The following RAB38 variants were observed in gnomAD, a reference collection of about 807,000 sequenced individuals.
RAB38 encodes ras-related protein Rab-38.
A neutral mutation model predicts 18.4 loss-of-function variants in RAB38; 15 were observed. The observed-to-expected ratio is 0.82, with a 90% CI of 0.55 to 1.26. The LOEUF is 1.26. Among genes scored for constraint, RAB38 ranks in the 50% most tolerant of loss-of-function variants. The pLI is 0.00. For synonymous variants in RAB38, 101 were observed against 104.4 expected (o/e 0.97, Z 0.20); for missense variants, 294 against 267.4 (o/e 1.10, Z -0.69).
At chr11:87,920,462 T>G in the RAB38 span, among the ~76,000 whole-genome samples, 1 of 152,204 alleles carries the variant, frequency 6.6e-6, no homozygotes, top group Non-Finnish European at 1.5e-5. Context: ...TTTTTCCTAT[T>G]ATTGAATTCT....
chr11:88,036,693 G>T, the RAB38 span, among the ~76,000 whole-genome samples: 1 of 151,816 alleles, frequency 6.6e-6, no homozygotes, highest in Non-Finnish European at 1.5e-5. Flanking sequence ...TCTCTTTTGT[G>T]TTGAACTTTG....
the RAB38 span, among the ~76,000 whole-genome samples, chr11:87,951,512 T>C: frequency 1.3e-4 from 19 of 150,530 alleles, no homozygotes; most frequent in East Asian, 3.9e-4. Flanking sequence ...GTTTTTTTTT[T>C]CCCATCTTTG....
At chr11:88,109,917 G>A (rs535576760), downstream of RAB38, among the ~76,000 whole-genome samples, 4 of 152,338 alleles carry the variant, frequency 2.6e-5, no homozygotes, top group South Asian at 8.3e-4. Context: ...TACACTGTTG[G>A]TGGGAGTGTA....
chr11:87,865,524 A>T, the RAB38 span, among the ~76,000 whole-genome samples: 1 of 151,666 alleles, frequency 6.6e-6, no homozygotes, highest in Non-Finnish European at 1.5e-5. Flanking sequence ...TCCCATAGGA[A>T]CCCAGACGCT....
At chr11:87,889,451 A>T in the RAB38 span, among the ~76,000 whole-genome samples, 3 of 151,954 alleles carry the variant, frequency 2.0e-5, no homozygotes, top group Non-Finnish European at 4.4e-5. Context: ...TGGCTGGACT[A>T]CTTTTTCCTG....
At chr11:88,102,972 T>C in the RAB38 span, among the ~76,000 whole-genome samples, 2 of 152,060 alleles carry the variant, frequency 1.3e-5, no homozygotes, top group Non-Finnish European at 2.9e-5. Flanking sequence ...GCCCTTTCCA[T>C]TTCCTCCTAT....
chr11:87,926,035 C>G, the RAB38 span, among the ~76,000 whole-genome samples: 1 of 151,842 alleles, frequency 6.6e-6, no homozygotes, highest in Non-Finnish European at 1.5e-5. Flanking sequence ...TCAAATCCTA[C>G]TCATTTACCC....
chr11:87,848,006 A>G, the RAB38 span, among the ~76,000 whole-genome samples: 3 of 152,176 alleles, frequency 2.0e-5, no homozygotes, highest in African/African-American at 7.2e-5. Context: ...GTCTACTAGT[A>G]GAGTTTTATT....
chr11:88,063,383 C>T, the RAB38 span, among the ~76,000 whole-genome samples: 1 of 152,052 alleles, frequency 6.6e-6, no homozygotes, highest in Non-Finnish European at 1.5e-5. Flanking sequence ...TCTGAAGTTT[C>T]TACAGCCTTC....
At chr11:87,859,245 T>G in the RAB38 span, among the ~76,000 whole-genome samples, 1 of 151,958 alleles carries the variant, frequency 6.6e-6, no homozygotes, top group African/African-American at 2.4e-5. Context: ...ATCTGTCAAT[T>G]ACAAAGAAAT....
At chr11:87,970,149 A>C in the RAB38 span, among the ~76,000 whole-genome samples, 1 of 152,124 alleles carries the variant, frequency 6.6e-6, no homozygotes, top group Admixed American at 6.6e-5. Flanking sequence ...ATGTAAAGCA[A>C]GTAAGCACTC....
the RAB38 span, among the ~76,000 whole-genome samples, chr11:87,954,252 A>AACTC: frequency 6.6e-6 from 1 of 152,136 alleles, no homozygotes; most frequent in East Asian, 1.9e-4. Context: ...CACCCTGCTG[A>AACTC]ACTCAGGGGT....
At chr11:87,970,525 G>A in the RAB38 span, among the ~76,000 whole-genome samples, 7 of 151,962 alleles carry the variant, frequency 4.6e-5, no homozygotes, top group East Asian at 9.7e-4. Context: ...CCAAGTTCCC[G>A]CCCTAGGCAT....
the RAB38 span, among the ~76,000 whole-genome samples, chr11:88,024,302 CA>C: frequency 6.6e-6 from 1 of 152,114 alleles, no homozygotes; most frequent in Non-Finnish European, 1.5e-5. Context: ...CATCATTAAT[CA>C]TCAGAGAAAT....
intron 1 of RAB38, among the ~76,000 whole-genome samples, chr11:88,174,637 A>AAAAAAAC (rs1555014231): frequency 2.2e-5 from 3 of 133,670 alleles, no homozygotes; most frequent in Admixed American, 7.8e-5. Flanking sequence ...AAAAAAAAAA[A>AAAAAAAC]AAAACAAAAC....
chr11:88,159,129 G>C (rs1943158647), intron 1 of RAB38, among the ~76,000 whole-genome samples: 1 of 150,984 alleles, frequency 6.6e-6, no homozygotes, highest in Non-Finnish European at 1.5e-5. Flanking sequence ...AAAATCAATA[G>C]CATTTCTATC....
At chr11:88,153,271 A>G (rs1460180467) in intron 1 of RAB38, among the ~76,000 whole-genome samples, 3 of 152,184 alleles carry the variant, frequency 2.0e-5, no homozygotes, top group Admixed American at 2.0e-4. Context: ...ATTAAATCAA[A>G]CTTTGGCCCT....
chr11:87,876,844 G>C, the RAB38 span, among the ~76,000 whole-genome samples: 5 of 151,420 alleles, frequency 3.3e-5, no homozygotes, highest in African/African-American at 9.7e-5. Flanking sequence ...CAGTGATACC[G>C]GGCACAATTT....
At chr11:87,855,136 T>G in the RAB38 span, among the ~76,000 whole-genome samples, 2 of 152,186 alleles carry the variant, frequency 1.3e-5, no homozygotes, top group South Asian at 4.1e-4. Context: ...GAAGTTGTGA[T>G]GAAAGTTTCC....
Sources: gnomAD v4.1 joint callset for allele counts (sites outside exome capture counted in the v4.1 genomes callset) on GRCh38, gnomAD v4.1.1 for gene constraint, MANE v1.5 for transcripts, NCBI Gene and HGNC (gene_info 2026-07-23, HGNC 2026-07-21) for gene names.